The following SH3GL3 variants were observed in gnomAD, a reference collection of about 807,000 sequenced individuals.
The protein encoded by SH3GL3 is SH3 domain containing GRB2 like 3, endophilin A3, also known as endophilin-A3.
In SH3GL3, 33 loss-of-function variants were observed where a neutral mutation model predicts 47.7. The observed-to-expected ratio is 0.69, with a 90% CI of 0.52 to 0.92. SH3GL3 has a LOEUF of 0.92. Ranked by LOEUF, SH3GL3 falls within the 40% of genes least tolerant of loss-of-function variation. The pLI is 0.00. For synonymous variants in SH3GL3, 155 were observed against 148.8 expected (o/e 1.04, Z -0.30); for missense variants, 363 against 417.8 (o/e 0.87, Z 1.14).
At chr15:83,565,442 C>T (rs1474452501) in intron 3 of SH3GL3, 23 of 467,796 alleles carry the variant, frequency 4.9e-5, no homozygotes, top group Non-Finnish European at 6.1e-5. Context: ...GAGTGCTGGT[C>T]ATAGCAACAA....
At chr15:83,464,956 C>T (rs1035411763) in intron 1 of SH3GL3, among the ~76,000 whole-genome samples, 1 of 150,352 alleles carries the variant, frequency 6.7e-6, no homozygotes, top group South Asian at 2.1e-4. Flanking sequence ...AACAAACCTG[C>T]ACATTGTGCA....
At chr15:83,531,437 G>A (rs940139298) in intron 1 of SH3GL3, among the ~76,000 whole-genome samples, 3 of 152,256 alleles carry the variant, frequency 2.0e-5, no homozygotes, top group Middle Eastern at 3.4e-3. Context: ...CATATAAAAC[G>A]GCAGAAAGGA....
In SH3GL3 at chr15:83,489,845, A is replaced by C. The variant is rs886634968; in HGVS notation, c.45+42267A>C. ...TAGGAATTGTCAGAAGCCGATAGAT[A>C]GATAGATAGATAGATAGATAGATAG... On this transcript the variant is annotated intron_variant, in intron 1 of 8. Coordinates refer to ENST00000427482, the MANE Select transcript of SH3GL3 (RefSeq NM_003027.5). Among the ~76,000 whole-genome samples the C allele has an allele frequency of 1.6e-3, 118 of 74,414 alleles. 1 individual carries two copies. The highest frequency in any genetic ancestry group is 6.1e-3 in the African/African-American group (111 of 18,068). The allele number at this position is 74,414 out of a possible 152,430, so 48.8% of individuals were successfully genotyped here. A position where few individuals can be genotyped will look rare whatever the true frequency, so the allele number is the denominator to read the frequency against.
At chr15:83,477,665 T>G (rs946046302) in intron 1 of SH3GL3, among the ~76,000 whole-genome samples, 7 of 152,164 alleles carry the variant, frequency 4.6e-5, no homozygotes, top group Non-Finnish European at 1.0e-4. Context: ...TTTCAGAAAT[T>G]CTATGCAGAA....
chr15:83,560,021 G>A (rs2045182290), intron 2 of SH3GL3, among the ~76,000 whole-genome samples: 1 of 152,198 alleles, frequency 6.6e-6, no homozygotes, highest in African/African-American at 2.4e-5. Context: ...GAGTTGCTCA[G>A]GTGGAGGCAG....
At chr15:83,583,841 C>A (rs2059894479) in intron 6 of SH3GL3, among the ~76,000 whole-genome samples, 1 of 152,060 alleles carries the variant, frequency 6.6e-6, no homozygotes, top group South Asian at 2.1e-4. Context: ...AGTCCCCAGG[C>A]CCAGCCACGA....
At chr15:83,548,936 A>G (rs758111904) in intron 1 of SH3GL3, among the ~76,000 whole-genome samples, 1 of 152,076 alleles carries the variant, frequency 6.6e-6, no homozygotes, top group Non-Finnish European at 1.5e-5. Flanking sequence ...TGATGTGCTT[A>G]TAGTGCTCTT....
chr15:83,587,044 C>T lies in SH3GL3; in HGVS notation c.686C>T (p.Ser229Phe), dbSNP rs768203060. 1 of 1,610,960 alleles carries T rather than the reference C, an allele frequency of 6.2e-7. No homozygotes were observed. Among genetic ancestry groups the T allele is most frequent in the South Asian group, 1.1e-5 (1 of 90,592 alleles). ...IEAALDYHRQ[S>F]TEILQELQSK... ...GCAGCATTAGACTATCACAGACAGT[C>T]CACAGAGATTCTGCAGGAGCTGCAG... The change falls in exon 7 of 9, where the codon TCC becomes TTC. Residue 229 changes from serine to phenylalanine, a missense_variant. Physicochemically the swap from Ser to Phe is radical, Grantham distance 155 (BLOSUM62 -2). Transcript: ENST00000427482.
chr15:83,631,718 C>T, the SH3GL3 span, among the ~76,000 whole-genome samples: 1 of 152,218 alleles, frequency 6.6e-6, no homozygotes, highest in Non-Finnish European at 1.5e-5. Flanking sequence ...GGGCCCTGGG[C>T]CTAGCCCATG....
In SH3GL3 at chr15:83,471,861, T is replaced by C. The variant is rs151316468; in HGVS notation, c.45+24283T>C. ...TTAGATTTTAGAAGCTTGACTATGA[T>C]GTGTCTTGGTGTGGATTTCTTTTCT... On this transcript the variant is annotated intron_variant, in intron 1 of 8. Transcript: ENST00000427482. Among the ~76,000 whole-genome samples, 3 of 152,258 alleles carry C rather than the reference T, an allele frequency of 2.0e-5. No homozygotes were observed. In the East Asian group the frequency reaches 5.8e-4, roughly 29 times the overall value.
intron 1 of SH3GL3, among the ~76,000 whole-genome samples, chr15:83,492,858 C>T (rs934288225): frequency 2.6e-5 from 4 of 152,234 alleles, no homozygotes; most frequent in Non-Finnish European, 5.9e-5. Context: ...CACTTTCCGG[C>T]TCCCCTACCA....
rs1450406040 is a variant in SH3GL3 at position 83,447,877 on chromosome 15, G to A, written c.45+299G>A. On this transcript the variant is annotated intron_variant, in intron 1 of 8. Transcript: ENST00000427482. The surrounding 1 kb of genome is among the most constrained non-coding windows in gnomAD (Gnocchi z 5.1). Reference sequence around the variant, plus strand: ...CGGGGACTCGGGAGGCGGAGACGGAGTGGGCGTGGGGGGGCCCCTACCCGC... The same window carrying A: ...CGGGGACTCGGGAGGCGGAGACGGAATGGGCGTGGGGGGGCCCCTACCCGC... 6.6e-6 allele frequency among the ~76,000 whole-genome samples: 1 copy of A among 152,172 alleles called. No homozygotes were observed. The highest frequency in any genetic ancestry group is 1.5e-5 in the Non-Finnish European group (1 of 68,020).
intron 2 of SH3GL3, among the ~76,000 whole-genome samples, chr15:83,560,215 C>T (rs1043002296): frequency 1.3e-5 from 2 of 152,198 alleles, no homozygotes; most frequent in Non-Finnish European, 2.9e-5. Flanking sequence ...GAGATGTCAG[C>T]AGGTGCTGGG....
At chr15:83,526,145 G>A (rs1220727665) in intron 1 of SH3GL3, among the ~76,000 whole-genome samples, 1 of 152,054 alleles carries the variant, frequency 6.6e-6, no homozygotes, top group Admixed American at 6.6e-5. Flanking sequence ...AATTCTTCCT[G>A]GCTATTATTA....
intron 1 of SH3GL3, among the ~76,000 whole-genome samples, chr15:83,461,320 A>G (rs996377262): frequency 2.0e-5 from 3 of 152,206 alleles, no homozygotes; most frequent in Non-Finnish European, 4.4e-5. Context: ...CAAATTTCCA[A>G]AAGTCTAATT....
chr15:83,479,987 C>T (rs992615541), intron 1 of SH3GL3, among the ~76,000 whole-genome samples: 1 of 152,138 alleles, frequency 6.6e-6, no homozygotes, highest in African/African-American at 2.4e-5. Flanking sequence ...TAAATGCTAA[C>T]TTTTATTATT....
intron 1 of SH3GL3, among the ~76,000 whole-genome samples, chr15:83,522,121 G>A (rs967511175): frequency 2.0e-5 from 3 of 152,246 alleles, no homozygotes; most frequent in African/African-American, 7.2e-5. Flanking sequence ...TGGGGCTAAA[G>A]ATAACAATTT....
At chr15:83,510,704 T>G (rs1239455837) in intron 1 of SH3GL3, among the ~76,000 whole-genome samples, 1 of 152,074 alleles carries the variant, frequency 6.6e-6, no homozygotes, top group Non-Finnish European at 1.5e-5. Flanking sequence ...GTGAGTGTAT[T>G]TATGTGTCAA....
At chr15:83,519,578 G>C (rs1288783006) in intron 1 of SH3GL3, among the ~76,000 whole-genome samples, 1 of 152,074 alleles carries the variant, frequency 6.6e-6, no homozygotes, top group Non-Finnish European at 1.5e-5. Context: ...GAGTCTCTAG[G>C]GTTTTCTAGG....
Sources: allele counts gnomAD v4.1 joint callset (sites outside exome capture counted in the v4.1 genomes callset), GRCh38; gene constraint gnomAD v4.1.1; non-coding constraint Gnocchi (gnomAD v3.1); transcripts MANE v1.5; gene names NCBI Gene and HGNC (gene_info 2026-07-23, HGNC 2026-07-21).